The following CDH13 variants were observed in gnomAD, a reference collection of about 807,000 sequenced individuals.
CDH13 encodes cadherin 13.
Under a neutral mutation model 63.8 loss-of-function variants are expected in CDH13, and 24 were observed. The ratio of observed to expected loss-of-function variants is 0.38; its 90% confidence interval spans 0.27 to 0.53. CDH13 has a LOEUF of 0.53. CDH13 is among the 20% of genes least tolerant of loss of function. CDH13 has a pLI of 0.85. For missense variants in CDH13, 1,049 were observed against 903.1 expected, an observed-to-expected ratio of 1.16 and a Z score of -2.07; for synonymous variants, 503 against 355.3, an observed-to-expected ratio of 1.42 and a Z score of -4.67.
intron 5 of CDH13, among the ~76,000 whole-genome samples, chr16:83,342,463 G>A (rs1393164458): frequency 6.6e-6 from 1 of 152,170 alleles, no homozygotes; most frequent in Non-Finnish European, 1.5e-5. Flanking sequence ...ACTGTTTTTA[G>A]AGACCATTCC....
chr16:83,390,468 T>TC (rs61053495), intron 6 of CDH13, among the ~76,000 whole-genome samples: 35 of 151,972 alleles, frequency 2.3e-4, no homozygotes, highest in African/African-American at 8.0e-4. Context: ...TTTTTTTTTT[T>TC]CCATGAGAAC....
chr16:83,530,687 C>T (rs2151632235), intron 7 of CDH13, among the ~76,000 whole-genome samples: 1 of 152,332 alleles, frequency 6.6e-6, no homozygotes, highest in South Asian at 2.1e-4. Context: ...ATCTCATTAA[C>T]TTCCTTATTT....
chr16:83,559,970 A>G (rs1023097519), intron 7 of CDH13, among the ~76,000 whole-genome samples: 2 of 152,198 alleles, frequency 1.3e-5, no homozygotes, highest in African/African-American at 4.8e-5. Flanking sequence ...CACACGATGG[A>G]GGCCTCATTG....
rs182982339 is a variant in CDH13, at chr16:83,276,171, C to G, written c.636+58674C>G. Among the ~76,000 whole-genome samples the G allele has an allele frequency of 1.4e-3, 208 of 152,210 alleles. 2 individuals carry two copies. Among genetic ancestry groups the G allele is most frequent in the African/African-American group, 4.8e-3 (199 of 41,534 alleles). ...TGTCCGAATCCTTTCAAGGGACAGC[C>G]CAATCCATCCCAATCACTCCAACTC... On this transcript the variant is annotated intron_variant, in intron 5 of 13. Coordinates refer to ENST00000567109, the MANE Select transcript of CDH13 (RefSeq NM_001257.5).
intron 8 of CDH13, among the ~76,000 whole-genome samples, chr16:83,666,005 A>G (rs771808806): frequency 2.0e-5 from 3 of 152,254 alleles, no homozygotes; most frequent in Non-Finnish European, 2.9e-5. Context: ...TCATAAGCCC[A>G]GTACATAGTC....
intron 2 of CDH13, among the ~76,000 whole-genome samples, chr16:82,911,595 A>T (rs1359101722): frequency 6.6e-6 from 1 of 152,166 alleles, no homozygotes; most frequent in East Asian, 1.9e-4. Context: ...GATAATTGTC[A>T]GGATTAAAAG....
intron 10 of CDH13, among the ~76,000 whole-genome samples, chr16:83,731,926 C>G (rs540790760): frequency 1.3e-5 from 2 of 152,266 alleles, no homozygotes; most frequent in South Asian, 4.2e-4. Flanking sequence ...TCGATAAATG[C>G]CAGTTGTGAA....
rs899505732 is a variant in CDH13 at position 83,462,635 on chromosome 16, G to A, written c.782-23842G>A. Among the ~76,000 whole-genome samples, 35 of 152,160 alleles carry A rather than the reference G, an allele frequency of 2.3e-4. 1 individual carries two copies. The highest frequency in any genetic ancestry group is 3.9e-4 in the Admixed American group (6 of 15,276). On this transcript the variant is annotated intron_variant, in intron 6 of 13. Transcript: ENST00000567109. The stretch of plus-strand genomic sequence containing the variant: ...TAGCCAGGTGTGATGGCCCATGCCT[G>A]CAACTTGCTACTCAGGAGGCTGAGG...
chr16:82,628,797 C>T (rs1296654417), intron 1 of CDH13, among the ~76,000 whole-genome samples: 1 of 152,220 alleles, frequency 6.6e-6, no homozygotes, highest in Non-Finnish European at 1.5e-5. Flanking sequence ...CGGTTTGGAG[C>T]ATGCCTCAGA....
intron 1 of CDH13, among the ~76,000 whole-genome samples, chr16:82,849,831 A>C (rs1208716586): frequency 6.6e-6 from 1 of 152,230 alleles, no homozygotes; most frequent in African/African-American, 2.4e-5. Flanking sequence ...CGTGTGCTCT[A>C]CAAAAGGAAC....
intron 4 of CDH13, among the ~76,000 whole-genome samples, chr16:83,203,068 T>C (rs2039078546): frequency 6.6e-6 from 1 of 151,850 alleles, no homozygotes; most frequent in Admixed American, 6.6e-5. Flanking sequence ...CTACTGAAAA[T>C]ACAAAATTAG....
chr16:83,582,461 T>C (rs562929229), intron 7 of CDH13, among the ~76,000 whole-genome samples: 36 of 152,304 alleles, frequency 2.4e-4, no homozygotes, highest in African/African-American at 8.4e-4. Flanking sequence ...TGCCTTGTTA[T>C]GCAAATCACA....
intron 6 of CDH13, among the ~76,000 whole-genome samples, chr16:83,444,452 C>T (rs1241265814): frequency 6.6e-6 from 1 of 152,152 alleles, no homozygotes; most frequent in Non-Finnish European, 1.5e-5. Flanking sequence ...TTTTGCTATA[C>T]ATTAGAATCA....
At chr16:83,169,972 C>G (rs1367303677) in intron 4 of CDH13, among the ~76,000 whole-genome samples, 1 of 152,006 alleles carries the variant, frequency 6.6e-6, no homozygotes. Flanking sequence ...AATGTGAAGT[C>G]CCATTTCAAG....
chr16:83,469,354 A>G (rs1386412902), intron 6 of CDH13, among the ~76,000 whole-genome samples: 1 of 152,200 alleles, frequency 6.6e-6, no homozygotes, highest in Non-Finnish European at 1.5e-5. Context: ...CGGGCAAGTT[A>G]TCCTGAGGAA....
At chr16:83,464,897 C>T (rs535775295) in intron 6 of CDH13, among the ~76,000 whole-genome samples, 5 of 152,290 alleles carry the variant, frequency 3.3e-5, no homozygotes, top group Non-Finnish European at 7.4e-5. Context: ...CCTGCCTCGG[C>T]CTCCCAAAGT....
At chr16:82,935,904 AG>A (rs2042652124) in intron 2 of CDH13, among the ~76,000 whole-genome samples, 1 of 152,222 alleles carries the variant, frequency 6.6e-6, no homozygotes, top group Non-Finnish European at 1.5e-5. Context: ...GTCTTGGAGC[AG>A]AAAAAGACCA....
chr16:83,562,037 A>G (rs1376236433), intron 7 of CDH13, among the ~76,000 whole-genome samples: 7 of 152,194 alleles, frequency 4.6e-5, no homozygotes, highest in Non-Finnish European at 1.0e-4. Flanking sequence ...TGTCCAGAGA[A>G]TGTGGTCAGG....
At chr16:82,796,897 A>T (rs1030158536) in intron 1 of CDH13, among the ~76,000 whole-genome samples, 2 of 152,210 alleles carry the variant, frequency 1.3e-5, no homozygotes, top group Non-Finnish European at 2.9e-5. Flanking sequence ...ACCTATGTGT[A>T]CTGGGAGACT....
Sources: allele counts gnomAD v4.1 joint callset (sites outside exome capture counted in the v4.1 genomes callset), GRCh38; gene constraint gnomAD v4.1.1; transcripts MANE v1.5; gene names NCBI Gene and HGNC (gene_info 2026-07-23, HGNC 2026-07-21).